UNC5C: variants seen among roughly 807,000 people sequenced by gnomAD.
UNC5C encodes the protein unc-5 netrin receptor C.
Under a neutral mutation model 99.8 loss-of-function variants are expected in UNC5C, and 47 were observed. That is an observed-to-expected ratio of 0.47 (90% confidence interval 0.37 to 0.60). The LOEUF (loss-of-function observed/expected upper bound fraction) is 0.60. Ranked by LOEUF, UNC5C falls within the 20% of genes least tolerant of loss-of-function variation. UNC5C has a pLI of 0.00. For missense variants in UNC5C, 1,062 were observed against 1,165.9 expected (o/e 0.91, Z 1.30); for synonymous variants, 487 against 452.2 (o/e 1.08, Z -0.98).
rs146937168 is a variant in UNC5C at position 95,297,831 on chromosome 4, A to C, written c.490+3775T>G. Among the ~76,000 whole-genome samples, 745 of 152,312 alleles carry C rather than the reference A, an allele frequency of 4.9e-3. 6 individuals are homozygous for C. Among genetic ancestry groups the C allele is most frequent in the African/African-American group, 0.017 (713 of 41,584 alleles). ...TGGCCTCACCACCTCCACTGCTTCC[A>C]ATCTACAGTAGCTTAACATCTCTCA... On this transcript the variant is annotated intron_variant, in intron 3 of 15. Transcript: ENST00000453304.
intron 1 of UNC5C, among the ~76,000 whole-genome samples, chr4:95,516,572 G>A (rs764312814): frequency 6.6e-6 from 1 of 152,182 alleles, no homozygotes; most frequent in Non-Finnish European, 1.5e-5. Flanking sequence ...GTGTGTAAAT[G>A]CCAGTGGCAG....
At chr4:95,522,599 T>A (rs1401120373) in intron 1 of UNC5C, among the ~76,000 whole-genome samples, 2 of 152,250 alleles carry the variant, frequency 1.3e-5, no homozygotes, top group East Asian at 3.9e-4. Flanking sequence ...GAAAAGAAAG[T>A]ATCCTGACTT....
intron 1 of UNC5C, among the ~76,000 whole-genome samples, chr4:95,394,528 G>A (rs1745454109): frequency 6.6e-6 from 1 of 152,102 alleles, no homozygotes; most frequent in Non-Finnish European, 1.5e-5. Context: ...GATAAGATAT[G>A]AATTGGGTGA....
intron 2 of UNC5C, among the ~76,000 whole-genome samples, chr4:95,329,046 A>G (rs1743013428): frequency 1.3e-5 from 2 of 152,100 alleles, no homozygotes; most frequent in African/African-American, 4.8e-5. Context: ...TCACCAGTGC[A>G]TTGGGAGGCT....
At chr4:95,538,464 T>C (rs1722832995) in intron 1 of UNC5C, among the ~76,000 whole-genome samples, 1 of 152,200 alleles carries the variant, frequency 6.6e-6, no homozygotes, top group South Asian at 2.1e-4. Context: ...AAGACCCTCT[T>C]TTTAAACTTG....
intron 14 of UNC5C, among the ~76,000 whole-genome samples, chr4:95,176,004 C>T (rs867881024): frequency 1.4e-3 from 215 of 151,862 alleles, no homozygotes; most frequent in South Asian, 6.9e-3. Context: ...CATCTTCCAT[C>T]GCTGATACCC....
At chr4:95,455,512 A>T (rs1747403055) in intron 1 of UNC5C, among the ~76,000 whole-genome samples, 1 of 151,936 alleles carries the variant, frequency 6.6e-6, no homozygotes, top group African/African-American at 2.4e-5. Flanking sequence ...AAAAAATTAA[A>T]CCACTTGAGA....
intron 1 of UNC5C, among the ~76,000 whole-genome samples, chr4:95,475,738 C>T (rs900830170): frequency 6.6e-6 from 1 of 152,046 alleles, no homozygotes; most frequent in Non-Finnish European, 1.5e-5. Context: ...AAACTTACTG[C>T]TAAACATCAC....
intron 1 of UNC5C, among the ~76,000 whole-genome samples, chr4:95,446,944 G>A (rs562684890): frequency 6.6e-6 from 1 of 152,226 alleles, no homozygotes; most frequent in Admixed American, 6.5e-5. Context: ...CCTATGCACA[G>A]CTTAGTAGAC....
chr4:95,528,842 A>T (rs965507367), intron 1 of UNC5C, among the ~76,000 whole-genome samples: 1 of 152,180 alleles, frequency 6.6e-6, no homozygotes, highest in Admixed American at 6.5e-5. Context: ...ATGAGAGGAT[A>T]TAACTGTACA....
At chr4:95,350,213 C>T (rs900894557) in intron 1 of UNC5C, among the ~76,000 whole-genome samples, 1 of 152,010 alleles carries the variant, frequency 6.6e-6, no homozygotes, top group Non-Finnish European at 1.5e-5. Flanking sequence ...TCCGGCTGGG[C>T]GCGATGGTTC....
At position 95,208,857 on chromosome 4, in the gene UNC5C, C is replaced by T. The variant is rs998925782; in HGVS notation, c.1734-2061G>A. 9.9e-5 allele frequency among the ~76,000 whole-genome samples: 15 copies of T among 152,242 alleles called. No individual in the cohort carries two copies. In the South Asian group the frequency reaches 1.7e-3, roughly 17 times the overall value. ...TTCTCTAGTTTTTGTCTATGGTTTACGTATTATTTATTACATATTCCAGAA... is the reference window on the plus strand; with the variant it reads ...TTCTCTAGTTTTTGTCTATGGTTTATGTATTATTTATTACATATTCCAGAA... On this transcript the variant is annotated intron_variant, in intron 10 of 15. Coordinates refer to ENST00000453304, the MANE Select transcript of UNC5C (RefSeq NM_003728.4).
At chr4:95,387,097 C>T (rs1745232328) in intron 1 of UNC5C, among the ~76,000 whole-genome samples, 1 of 151,920 alleles carries the variant, frequency 6.6e-6, no homozygotes, top group African/African-American at 2.4e-5. Context: ...TGAAATGGTG[C>T]CCTATTTCTT....
intron 2 of UNC5C, among the ~76,000 whole-genome samples, chr4:95,312,489 C>T (rs772347138): frequency 3.3e-5 from 5 of 152,120 alleles, no homozygotes; most frequent in Non-Finnish European, 5.9e-5. Context: ...ATTTTTTGAA[C>T]AGCTACTGTG....
At chr4:95,460,797 A>G (rs943577848) in intron 1 of UNC5C, among the ~76,000 whole-genome samples, 1 of 152,204 alleles carries the variant, frequency 6.6e-6, no homozygotes, top group Non-Finnish European at 1.5e-5. Context: ...TTGACAAACA[A>G]TGTAACATAA....
chr4:95,417,740 C>T (rs79401038), intron 1 of UNC5C, among the ~76,000 whole-genome samples: 2,548 of 152,238 alleles, frequency 0.017, 29 homozygotes, highest in Non-Finnish European at 0.026. Context: ...CATAGGACTG[C>T]GTGTATGCTT....
chr4:95,385,341 C>G (rs979499485), intron 1 of UNC5C, among the ~76,000 whole-genome samples: 21 of 152,296 alleles, frequency 1.4e-4, no homozygotes, highest in African/African-American at 4.8e-4. Context: ...TACTGCTGTA[C>G]TGCTCAATTT....
intron 1 of UNC5C, among the ~76,000 whole-genome samples, chr4:95,458,850 C>A (rs528953009): frequency 6.6e-6 from 1 of 152,024 alleles, no homozygotes; most frequent in East Asian, 1.9e-4. Flanking sequence ...TCATAGTAAT[C>A]CCATATTTTA....
At chr4:95,303,174 A>G (rs977625066) in intron 2 of UNC5C, among the ~76,000 whole-genome samples, 3 of 152,182 alleles carry the variant, frequency 2.0e-5, no homozygotes, top group Admixed American at 6.5e-5. Flanking sequence ...AGTTGTGCAC[A>G]CCAGTGTTTC....
Sources: allele counts gnomAD v4.1 joint callset (sites outside exome capture counted in the v4.1 genomes callset), GRCh38; gene constraint gnomAD v4.1.1; transcripts MANE v1.5; gene names NCBI Gene and HGNC (gene_info 2026-07-23, HGNC 2026-07-21).